MMP21: variants seen among roughly 807,000 people sequenced by gnomAD.
The protein encoded by MMP21 is matrix metallopeptidase 21, also known as matrix metalloproteinase-21.
Under a neutral mutation model 47.8 loss-of-function variants are expected in MMP21, and 40 were observed. The ratio of observed to expected loss-of-function variants is 0.84; its 90% CI spans 0.65 to 1.09. The LOEUF (loss-of-function observed/expected upper bound fraction) is 1.09, where lower values mean the gene tolerates loss of function less well. Among genes scored for constraint, MMP21 ranks in the 50% least tolerant of loss-of-function variants. The probability of loss-of-function intolerance (pLI) is 0.00; values close to 1 mark genes in which losing one functional copy is unlikely to be tolerated. For synonymous variants in MMP21, 341 were observed against 318.0 expected (o/e 1.07, Z -0.77); for missense variants, 747 against 775.3 (o/e 0.96, Z 0.43).
chr10:125,771,060 C>T lies in MMP21; in HGVS notation c.980-469G>A, dbSNP rs532280146. On this transcript the variant is annotated intron_variant, in intron 4 of 6. Coordinates refer to ENST00000368808, the MANE Select transcript of MMP21 (RefSeq NM_147191.1). ...GAAAAAAAAACAGATTGAGGTGGTG[C>T]GCAGAGGGAGCTGGAGGTGCCAGGC... Among the ~76,000 whole-genome samples the T allele has an allele frequency of 1.7e-4, 26 of 152,030 alleles. No individual in the cohort carries two copies. In the South Asian group the frequency reaches 4.6e-3, roughly 27 times the overall value.
intron 1 of MMP21, among the ~76,000 whole-genome samples, chr10:125,774,843 G>A (rs1850498582): frequency 6.6e-6 from 1 of 152,326 alleles, no homozygotes; most frequent in Non-Finnish European, 1.5e-5. Context: ...TGGCCACACC[G>A]CAGAGAAAGC....
rs1249370878 is a variant in MMP21 at position 125,772,898 on chromosome 10, G to C, written c.698-148C>G. On this transcript the variant is annotated intron_variant, in intron 2 of 6. Transcript: ENST00000368808. This position sits in a 1 kb window ranked among gnomAD's most constrained non-coding sequence, Gnocchi z 5.6. ...GGATTAAGTCCTCAATGTGCGGAGG[G>C]TGGGAGACGGTTTGTTTGTAAACTG... is the stretch of plus-strand genomic sequence containing the variant. 2 of 814,592 alleles carry C rather than the reference G, an allele frequency of 2.5e-6. No individual in the cohort carries two copies. Among genetic ancestry groups the C allele is most frequent in the Non-Finnish European group, 3.8e-6 (2 of 523,136 alleles). 50.5% of individuals were successfully genotyped at this position (814,592 alleles called of 1,614,324 possible). A position where few individuals can be genotyped will look rare whatever the true frequency, so the allele number is the denominator to read the frequency against.
chr10:125,768,232 C>G (rs1850406719), intron 5 of MMP21, among the ~76,000 whole-genome samples: 1 of 152,062 alleles, frequency 6.6e-6, no homozygotes, highest in African/African-American at 2.4e-5. Flanking sequence ...CTAGTCCCAC[C>G]ACCACGCCCA....
In MMP21 at chr10:125,767,863, C is replaced by T. The variant is rs1396569376; in HGVS notation, c.1238-159G>A. ...CGGCATCTGAGTGAAGCCTCCACTC[C>T]GCCATTTCCCCGCGTCTTGAATTAC... On this transcript the variant is annotated intron_variant, in intron 5 of 6. Transcript: ENST00000368808. Among the ~76,000 whole-genome samples the T allele has an allele frequency of 3.9e-5, 6 of 152,186 alleles. No homozygotes were observed. In the South Asian group the frequency reaches 8.3e-4, roughly 21 times the overall value.
rs1850479201 is a variant in MMP21, at chr10:125,773,763, TG to T, written c.697+67del. 2.8e-6 allele frequency: 4 copies of T among 1,428,280 alleles called. No individual in the cohort carries two copies. Among genetic ancestry groups the T allele is most frequent in the South Asian group, 1.5e-5 (1 of 66,370 alleles). 88.5% of individuals were successfully genotyped at this position (1,428,280 alleles called of 1,614,324 possible). ...CCCCCCATTCTGCAGGTGGCCGAGG[TG>T]GGGGTAGGTGCGCCGGGGTCCCCGA... On this transcript the variant is annotated intron_variant, in intron 2 of 6. Coordinates refer to ENST00000368808, the MANE Select transcript of MMP21 (RefSeq NM_147191.1). The surrounding 1 kb of genome is among the most constrained non-coding windows in gnomAD (Gnocchi z 4.8).
At chr10:125,767,124 G>C (rs2133780102) in intron 6 of MMP21, among the ~76,000 whole-genome samples, 163 bp from the exon 7 acceptor site, 1 of 151,986 alleles carries the variant, frequency 6.6e-6, no homozygotes, top group Admixed American at 6.6e-5. Flanking sequence ...GATCTGAAGT[G>C]AGTACACGTT....
At position 125,770,398 on chromosome 10, in the gene MMP21, T is replaced by C; in HGVS notation, c.1173A>G (p.Thr391=). 6.2e-7 allele frequency: 1 copy of C among 1,614,218 alleles called. No homozygotes were observed. Among genetic ancestry groups the C allele is most frequent in the Non-Finnish European group, 8.5e-7 (1 of 1,180,040 alleles). ...TGTGAACAAAGGCATCTATGTTGTGTGTTGGGATTCCAGGCCAGCCAGTGA... is the reference window on the plus strand; with the variant it reads ...TGTGAACAAAGGCATCTATGTTGTGCGTTGGGATTCCAGGCCAGCCAGTGA... ...QILTGWPGIP[T]HNIDAFVHIW... is the part of the protein sequence containing the mutation. Residue 391 remains threonine, a synonymous_variant, in exon 5 of 7, where the codon ACA becomes ACG. Coordinates refer to ENST00000368808, the MANE Select transcript of MMP21 (RefSeq NM_147191.1).
At chr10:125,775,404 A>T (rs987860273) in intron 1 of MMP21, among the ~76,000 whole-genome samples, 6 of 152,214 alleles carry the variant, frequency 3.9e-5, no homozygotes, top group Non-Finnish European at 4.4e-5. Context: ...TTGGCATTTG[A>T]GTCTGTTGTC....
chr10:125,774,355 G>T lies in MMP21; in HGVS notation c.173C>A (p.Ser58Tyr). The change falls in exon 2 of 7, where the codon TCC becomes TAC. Residue 58 changes from serine (S) to tyrosine (Y), a missense_variant. Ser to Tyr is a moderately radical substitution (Grantham distance 144). Coordinates refer to ENST00000368808, the MANE Select transcript of MMP21 (RefSeq NM_147191.1). ...CCACACCCCTGACCAGCCGTATCTG[G>T]ACAGGAACCGCTGTGGGAGAGAAAG... The part of the protein sequence containing the change: ...ADLHAAQRFL[S>Y]RYGWSGVWAA... The T allele has an allele frequency of 7.3e-7, 1 of 1,367,384 alleles. No homozygotes were observed. The highest frequency in any genetic ancestry group is 1.7e-5 in the South Asian group (1 of 59,498). The allele number at this position is 1,367,384 out of a possible 1,614,324, so 84.7% of individuals were successfully genotyped here. A position where few individuals can be genotyped will look rare whatever the true frequency, so the allele number is the denominator to read the frequency against.
intron 5 of MMP21, among the ~76,000 whole-genome samples, chr10:125,768,797 A>G (rs535362392): frequency 6.6e-6 from 1 of 152,364 alleles, no homozygotes; most frequent in Admixed American, 6.5e-5. Flanking sequence ...CATAAATTCT[A>G]GTCTGGGACT....
chr10:125,773,800 C>A lies in MMP21; in HGVS notation c.697+31G>T. 2.0e-6 allele frequency: 3 copies of A among 1,470,176 alleles called. No homozygotes were observed. The highest frequency in any genetic ancestry group is 2.7e-5 in the South Asian group (2 of 72,856). 91.1% of individuals were successfully genotyped at this position (1,470,176 alleles called of 1,614,324 possible). A position where few individuals can be genotyped will look rare whatever the true frequency, so the allele number is the denominator to read the frequency against. On this transcript the variant is annotated intron_variant, in intron 2 of 6. Transcript: ENST00000368808. This position sits in a 1 kb window ranked among gnomAD's most constrained non-coding sequence, Gnocchi z 4.8. ...CGCCGGGGTCCCCGAGGGGCTGGGT[C>A]GGGCAGGCAGGGAGCCCGGGGTGCT...
intron 1 of MMP21, among the ~76,000 whole-genome samples, chr10:125,775,121 G>A (rs1392316402): frequency 6.6e-6 from 1 of 152,198 alleles, no homozygotes; most frequent in East Asian, 1.9e-4. Context: ...AGGTGAAGGG[G>A]CCTCATGGGT....
chr10:125,774,148 G>T lies in MMP21; in HGVS notation c.380C>A (p.Pro127His). 2 of 1,278,922 alleles carry T rather than the reference G, an allele frequency of 1.6e-6. No individual in the cohort carries two copies. The highest frequency in any genetic ancestry group is 2.6e-5 in the South Asian group (1 of 38,138). The allele number at this position is 1,278,922 out of a possible 1,614,324, so 79.2% of individuals were successfully genotyped here. ...GCCCGGGGGCGAAGGCGGGGCGGAG[G>T]GGGGCGGTGGGCGCATGTCCGGGAC... ...CGVPDMRPPP[P>H]SAPPSPPGPP... Residue 127 changes from proline to histidine, a missense_variant, in exon 2 of 7, where the codon CCC (proline) becomes CAC (histidine). By Grantham distance (77) the Pro-to-His change is moderately conservative. Coordinates refer to ENST00000368808, the MANE Select transcript of MMP21 (RefSeq NM_147191.1).
chr10:125,773,778 C>T lies in MMP21; in HGVS notation c.697+53G>A, dbSNP rs1850479421. 5 of 1,451,352 alleles carry T rather than the reference C, an allele frequency of 3.4e-6. No homozygotes were observed. The highest frequency in any genetic ancestry group is 4.5e-6 in the Non-Finnish European group (5 of 1,106,818). 89.9% of individuals were successfully genotyped at this position (1,451,352 alleles called of 1,614,324 possible). A position where few individuals can be genotyped will look rare whatever the true frequency, so the allele number is the denominator to read the frequency against. ...GTGGCCGAGGTGGGGGTAGGTGCGCCGGGGTCCCCGAGGGGCTGGGTCGGG... is the reference window on the plus strand; with the variant it reads ...GTGGCCGAGGTGGGGGTAGGTGCGCTGGGGTCCCCGAGGGGCTGGGTCGGG... On this transcript the variant is annotated intron_variant, in intron 2 of 6. Coordinates refer to ENST00000368808, the MANE Select transcript of MMP21 (RefSeq NM_147191.1). This position sits in a 1 kb window ranked among gnomAD's most constrained non-coding sequence, Gnocchi z 4.8.
In MMP21 at chr10:125,773,931, C is replaced by T. The variant is rs138636566; in HGVS notation, c.597G>A (p.Ala199=). 8 of 1,584,056 alleles carry T rather than the reference C, an allele frequency of 5.1e-6. No individual in the cohort carries two copies. In the East Asian group the frequency reaches 1.9e-4, roughly 37 times the overall value. Residue 199 remains alanine, a synonymous_variant, in exon 2 of 7, where the codon GCG becomes GCA. Coordinates refer to ENST00000368808, the MANE Select transcript of MMP21 (RefSeq NM_147191.1). This position sits in a 1 kb window ranked among gnomAD's most constrained non-coding sequence, Gnocchi z 4.8. ...CCTCGCTCCACATCCTGAAGGCCAG[C>T]GCCACAATGCGCCGCTGGTCGGCCA... is the stretch of plus-strand genomic sequence containing the variant. The part of the protein sequence containing the change: ...LSVADQRRIV[A]LAFRMWSEVT...
In MMP21 at chr10:125,773,043, G is replaced by A. The variant is rs80041665; in HGVS notation, c.698-293C>T. Among the ~76,000 whole-genome samples, 3,220 of 152,348 alleles carry A rather than the reference G, an allele frequency of 0.021. 136 individuals carry two copies. The highest frequency in any genetic ancestry group is 0.073 in the African/African-American group (3,044 of 41,578). On this transcript the variant is annotated intron_variant, in intron 2 of 6. Transcript: ENST00000368808. This position sits in a 1 kb window ranked among gnomAD's most constrained non-coding sequence, Gnocchi z 4.8. The stretch of plus-strand genomic sequence containing the variant: ...GGAAGATGGCAAAAAGGCCTCACCC[G>A]GACAAGATCGGGGCCGGATCCTCGC...
In MMP21 at chr10:125,773,842, C is replaced by G. The variant is rs748044437; in HGVS notation, c.686G>C (p.Gly229Ala). ...APGAAVDIKLGFGRGRHLGCP... is the reference protein window; with the variant it reads ...APGAAVDIKLAFGRGRHLGCP... ...CGGGGTGCTCTTACCTCTCCCAAAG[C>G]CCAGCTTGATGTCGACCGCGGCCCC... Residue 229 changes from glycine (G) to alanine (A), a missense_variant, in exon 2 of 7, where the codon GGC becomes GCC. By Grantham distance (60) the Gly-to-Ala change is moderately conservative (BLOSUM62 0). Coordinates refer to ENST00000368808, the MANE Select transcript of MMP21 (RefSeq NM_147191.1). The surrounding 1 kb of genome is among the most constrained non-coding windows in gnomAD (Gnocchi z 4.8). 3.9e-6 allele frequency: 6 copies of G among 1,554,464 alleles called. No homozygotes were observed. The highest frequency in any genetic ancestry group is 5.2e-6 in the Non-Finnish European group (6 of 1,157,612).
rs973743640 is a variant in MMP21 at position 125,772,496 on chromosome 10, C to T, written c.837+115G>A. ...CCGGTGGAACTGGGGAGCCATTCCA[C>T]GGATTCACCTCCTCAGAGGTTGCGG... On this transcript the variant is annotated intron_variant, in intron 3 of 6. Coordinates refer to ENST00000368808, the MANE Select transcript of MMP21 (RefSeq NM_147191.1). This position sits in a 1 kb window ranked among gnomAD's most constrained non-coding sequence, Gnocchi z 5.6. The T allele has an allele frequency of 1.1e-5, 18 of 1,572,926 alleles. No homozygotes were observed. The highest frequency in any genetic ancestry group is 4.6e-5 in the South Asian group (4 of 87,420).
chr10:125,774,071 A>G lies in MMP21; in HGVS notation c.457T>C (p.Ser153Pro), dbSNP rs1279221107. Residue 153 changes from serine (S) to proline (P), a missense_variant, in exon 2 of 7, where the codon TCC becomes CCC. Ser to Pro is a moderately conservative substitution (Grantham distance 74, BLOSUM62 -1). Coordinates refer to ENST00000368808, the MANE Select transcript of MMP21 (RefSeq NM_147191.1). ...RRSPRAPLSL[S>P]RRGWQPRGYP... Reference sequence around the variant, plus strand: ...CCCCGGGGCTGCCAACCCCGCCGGGACAAGGACAGCGGCGCCCGCGGGGAG... The same window carrying G: ...CCCCGGGGCTGCCAACCCCGCCGGGGCAAGGACAGCGGCGCCCGCGGGGAG... 1.4e-6 allele frequency: 2 copies of G among 1,436,844 alleles called. No individual in the cohort carries two copies. The highest frequency in any genetic ancestry group is 3.0e-5 in the African/African-American group (2 of 67,094). 89.0% of individuals were successfully genotyped at this position (1,436,844 alleles called of 1,614,324 possible).
Sources: gnomAD v4.1 joint callset for allele counts (sites outside exome capture counted in the v4.1 genomes callset) on GRCh38, gnomAD v4.1.1 for gene constraint, Gnocchi (gnomAD v3.1) non-coding constraint, MANE v1.5 for transcripts, NCBI Gene and HGNC (gene_info 2026-07-23, HGNC 2026-07-21) for gene names.